Variants in PATJ observed in about 807,000 individuals in gnomAD.
PATJ encodes PATJ crumbs cell polarity complex component.
PATJ carries 190 observed loss-of-function variants against 224.9 expected under a neutral mutation model. The ratio of observed to expected loss-of-function variants is 0.84; its 90% confidence interval spans 0.75 to 0.95. The LOEUF (loss-of-function observed/expected upper bound fraction) is 0.95. Among genes scored for constraint, PATJ ranks in the 40% least tolerant of loss-of-function variants. PATJ has a pLI of 0.00. For missense variants in PATJ, 2,121 were observed against 2,270.3 expected (o/e 0.93, Z 1.34); for synonymous variants, 769 against 820.3 (o/e 0.94, Z 1.07).
At chr1:61,813,900 A>G (rs1655478493) in intron 14 of PATJ, among the ~76,000 whole-genome samples, 2 of 152,170 alleles carry the variant, frequency 1.3e-5, no homozygotes, top group African/African-American at 2.4e-5. Context: ...TACCTTAATT[A>G]ATATAGCTTA....
At chr1:61,929,241 A>G (rs1675668685) in intron 27 of PATJ, among the ~76,000 whole-genome samples, 1 of 152,244 alleles carries the variant, frequency 6.6e-6, no homozygotes, top group African/African-American at 2.4e-5. Flanking sequence ...CTAGAAGGCC[A>G]GTATTTGCCC....
At chr1:61,805,338 CCTTTA>C in intron 12 of PATJ, 105 bp from the exon 13 acceptor site, 1 of 689,586 alleles carries the variant, frequency 1.5e-6, no homozygotes, top group East Asian at 2.5e-5. Context: ...ATTCATTTCC[CCTTTA>C]CTTACTGAAA....
chr1:61,863,966 G>A (rs1391984741), intron 19 of PATJ, among the ~76,000 whole-genome samples: 2 of 152,188 alleles, frequency 1.3e-5, no homozygotes. Context: ...AGAATTGTCA[G>A]GTGGTTAATG....
intron 7 of PATJ, among the ~76,000 whole-genome samples, chr1:61,786,846 C>T (rs549416892): frequency 1.3e-5 from 2 of 152,034 alleles, no homozygotes; most frequent in South Asian, 2.1e-4. Flanking sequence ...ATTAGCCGAG[C>T]GTGGTGGTGC....
chr1:61,990,067 G>A lies in PATJ; in HGVS notation c.3671-101G>A, dbSNP rs74076863. 429 of 901,676 alleles carry A rather than the reference G, an allele frequency of 4.8e-4. 2 individuals are homozygous for A. The African/African-American group carries it at 6.5e-3, about 14-fold the overall frequency. 55.9% of individuals were successfully genotyped at this position (901,676 alleles called of 1,614,324 possible). A position where few individuals can be genotyped will look rare whatever the true frequency, so the allele number is the denominator to read the frequency against. On this transcript the variant is annotated intron_variant, in intron 27 of 43. Coordinates refer to ENST00000642238, the MANE Select transcript of PATJ (RefSeq NM_001350145.3). ...CTCTGTCTCTTAAAAAACAAAAAAG[G>A]TACCATAGTTGAGAAATCACAGTAA... is the stretch of plus-strand genomic sequence containing the variant.
chr1:62,145,925 T>A (rs1290230415), intron 41 of PATJ, among the ~76,000 whole-genome samples: 1 of 152,052 alleles, frequency 6.6e-6, no homozygotes, highest in African/African-American at 2.4e-5. Flanking sequence ...GCCACTGCAC[T>A]CCAGCCTGGG....
chr1:61,755,874 T>C (rs1645608407), intron 1 of PATJ, among the ~76,000 whole-genome samples: 1 of 152,212 alleles, frequency 6.6e-6, no homozygotes, highest in African/African-American at 2.4e-5. Context: ...TGATCTCGGC[T>C]CACCGCAATC....
At chr1:62,121,695 G>A (rs1665070865) in intron 38 of PATJ, among the ~76,000 whole-genome samples, 1 of 151,856 alleles carries the variant, frequency 6.6e-6, no homozygotes, top group Non-Finnish European at 1.5e-5. Flanking sequence ...CTTGAAACTG[G>A]CGGGGGTGGT....
chr1:62,132,225 A>G (rs1666336432), intron 41 of PATJ, among the ~76,000 whole-genome samples: 1 of 152,248 alleles, frequency 6.6e-6, no homozygotes, highest in Non-Finnish European at 1.5e-5. Flanking sequence ...ATCTTCCACA[A>G]TAAGAAGTGA....
chr1:61,927,858 A>T (rs1201127193), intron 27 of PATJ, 29 bp downstream of exon 27: 2 of 1,403,630 alleles, frequency 1.4e-6, no homozygotes, highest in Non-Finnish European at 2.0e-6. Context: ...TTTAGGGTAG[A>T]TGCAGAACTT....
chr1:61,947,271 T>A lies in PATJ; in HGVS notation c.3670+19442T>A, dbSNP rs143116977. Among the ~76,000 whole-genome samples the A allele has an allele frequency of 2.8e-3, 432 of 152,278 alleles. 1 individual carries two copies. The highest frequency in any genetic ancestry group is 0.01 in the African/African-American group (417 of 41,560). On this transcript the variant is annotated intron_variant, in intron 27 of 43. Coordinates refer to ENST00000642238, the MANE Select transcript of PATJ (RefSeq NM_001350145.3). ...CATATTCAATTAGGAAGAGAGGAAG[T>A]CAAACTGTCCCTGTTTGCAGATGAC...
intron 31 of PATJ, among the ~76,000 whole-genome samples, chr1:62,056,397 T>C (rs1217969908): frequency 6.6e-6 from 1 of 152,142 alleles, no homozygotes; most frequent in African/African-American, 2.4e-5. Flanking sequence ...GCACAGTGGC[T>C]CCAGTTTGTA....
intron 7 of PATJ, among the ~76,000 whole-genome samples, chr1:61,782,828 G>C (rs1375620331): frequency 1.3e-5 from 2 of 152,148 alleles, no homozygotes; most frequent in Admixed American, 6.5e-5. Context: ...TGTTTTGTGT[G>C]ACATTGATAA....
chr1:62,017,729 C>CAAA (rs58692636), intron 28 of PATJ, 127 bp from the exon 29 acceptor site: 4,198 of 322,324 alleles, frequency 0.013, no homozygotes, highest in East Asian at 0.029. Flanking sequence ...GAGACTGTCT[C>CAAA]AAAAAAAAAA....
intron 7 of PATJ, among the ~76,000 whole-genome samples, chr1:61,786,422 A>G (rs1303871285): frequency 1.3e-5 from 2 of 152,062 alleles, no homozygotes; most frequent in Non-Finnish European, 2.9e-5. Context: ...CCAAATTTAA[A>G]TACATAGTCT....
In PATJ at chr1:62,018,027, A is replaced by C; in HGVS notation, c.3959+80A>C. On this transcript the variant is annotated intron_variant, in intron 29 of 43. Transcript: ENST00000642238. This position sits in a 1 kb window ranked among gnomAD's most constrained non-coding sequence, Gnocchi z 4.2. ...TTAGTGTAAGACTATGTCATCTTTG[A>C]TTTGTCTAGCGAAATCACTGTTCCT... 2.6e-6 allele frequency: 2 copies of C among 759,398 alleles called. No homozygotes were observed. The highest frequency in any genetic ancestry group is 4.7e-6 in the Non-Finnish European group (2 of 423,140). The allele number at this position is 759,398 out of a possible 1,614,324, so 47.0% of individuals were successfully genotyped here. A position where few individuals can be genotyped will look rare whatever the true frequency, so the allele number is the denominator to read the frequency against.
intron 33 of PATJ, among the ~76,000 whole-genome samples, chr1:62,099,408 A>G (rs968647359): frequency 8.2e-5 from 7 of 85,248 alleles, no homozygotes; most frequent in African/African-American, 3.7e-4. Flanking sequence ...GTTAGGAGGG[A>G]CTTTTCCCCT....
chr1:62,078,283 G>A (rs1238807640), intron 31 of PATJ, among the ~76,000 whole-genome samples: 1 of 152,076 alleles, frequency 6.6e-6, no homozygotes, highest in Admixed American at 6.6e-5. Context: ...ATGTATGTAT[G>A]TATGTATTTA....
intron 28 of PATJ, among the ~76,000 whole-genome samples, chr1:62,001,013 C>T (rs1173538753): frequency 2.6e-5 from 4 of 151,760 alleles, no homozygotes; most frequent in Non-Finnish European, 4.4e-5. Context: ...GAAGTGTCTG[C>T]TCATGTCCTT....
Sources: gnomAD v4.1 joint callset for allele counts (sites outside exome capture counted in the v4.1 genomes callset) on GRCh38, gnomAD v4.1.1 for gene constraint, Gnocchi (gnomAD v3.1) non-coding constraint, MANE v1.5 for transcripts, NCBI Gene and HGNC (gene_info 2026-07-23, HGNC 2026-07-21) for gene names.